The following SPIN1 variants were observed in gnomAD, a reference collection of about 807,000 sequenced individuals.
SPIN1 encodes spindlin 1, also known as spindlin-1.
In SPIN1, 3 loss-of-function variants were observed where a neutral mutation model predicts 26.0. The observed-to-expected ratio is 0.12, with a 90% CI of 0.05 to 0.30. The LOEUF (loss-of-function observed/expected upper bound fraction) is 0.30. SPIN1 is among the 10% of genes least tolerant of loss of function. The pLI is 1.00. For missense variants in SPIN1, 126 were observed against 333.4 expected (o/e 0.38, Z 4.84); for synonymous variants, 101 against 116.5 (o/e 0.87, Z 0.86).
intron 1 of SPIN1, among the ~76,000 whole-genome samples, chr9:88,424,218 A>C (rs530422835): frequency 3.3e-5 from 5 of 152,314 alleles, no homozygotes; most frequent in African/African-American, 1.2e-4. Context: ...CTGATCAGTT[A>C]GTCAATTTGG....
intron 2 of SPIN1, among the ~76,000 whole-genome samples, chr9:88,435,533 T>C (rs978401298): frequency 6.6e-6 from 1 of 152,220 alleles, no homozygotes; most frequent in Non-Finnish European, 1.5e-5. Flanking sequence ...CAGTGACATA[T>C]GTTGTCAAAT....
chr9:88,426,993 C>T (rs2118025508), intron 2 of SPIN1, among the ~76,000 whole-genome samples: 1 of 152,198 alleles, frequency 6.6e-6, no homozygotes, highest in African/African-American at 2.4e-5. Context: ...AAGAAGTTTA[C>T]TGGTGTGGAA....
At chr9:88,460,761 C>T (rs990715779) in intron 3 of SPIN1, among the ~76,000 whole-genome samples, 1 of 152,186 alleles carries the variant, frequency 6.6e-6, no homozygotes, top group Non-Finnish European at 1.5e-5. Flanking sequence ...GGATTATGGC[C>T]ACCCACATTG....
At chr9:88,448,867 A>G (rs1237153999) in intron 2 of SPIN1, 74 bp from the exon 3 acceptor site, 3 of 1,429,354 alleles carry the variant, frequency 2.1e-6, no homozygotes, top group African/African-American at 2.8e-5. Flanking sequence ...AGTTTTTCAG[A>G]AGTTAAGATT....
chr9:88,417,142 C>T (rs1339044904), intron 1 of SPIN1, among the ~76,000 whole-genome samples: 2 of 152,016 alleles, frequency 1.3e-5, no homozygotes, highest in Non-Finnish European at 2.9e-5. Context: ...GCTAATTAGC[C>T]CTTCATATCT....
rs143857608 is a variant in SPIN1 at position 88,473,442 on chromosome 9, C to G, written c.590-1636C>G. On this transcript the variant is annotated intron_variant, in intron 5 of 5. Coordinates refer to ENST00000375859, the MANE Select transcript of SPIN1 (RefSeq NM_006717.3). ...CATTTGTTATAAAGGGGTAATGCAA[C>G]TTACATACTCAGGAATTTGTCATGA... 4.7e-3 allele frequency among the ~76,000 whole-genome samples: 708 copies of G among 152,184 alleles called. 4 individuals carry two copies. Among genetic ancestry groups the G allele is most frequent in the African/African-American group, 0.016 (663 of 41,516 alleles).
At chr9:88,426,840 A>G (rs1461686111) in intron 2 of SPIN1, among the ~76,000 whole-genome samples, 4 of 152,200 alleles carry the variant, frequency 2.6e-5, no homozygotes, top group Non-Finnish European at 4.4e-5. Context: ...AATTGTAAAT[A>G]TCTGTTAATA....
At chr9:88,402,239 T>C (rs1587773542) in intron 1 of SPIN1, among the ~76,000 whole-genome samples, 1 of 152,172 alleles carries the variant, frequency 6.6e-6, no homozygotes. Context: ...GTGATCCGCC[T>C]GCCTCAGCCT....
At chr9:88,406,038 T>TGTGTGTGTAC (rs1554691972) in intron 1 of SPIN1, among the ~76,000 whole-genome samples, 3 of 148,300 alleles carry the variant, frequency 2.0e-5, no homozygotes, top group Non-Finnish European at 3.0e-5. Flanking sequence ...TGTGTGTGTG[T>TGTGTGTGTAC]GTGTACGTGT....
At chr9:88,419,240 A>AT (rs1827628385) in intron 1 of SPIN1, among the ~76,000 whole-genome samples, 1 of 151,952 alleles carries the variant, frequency 6.6e-6, no homozygotes, top group Non-Finnish European at 1.5e-5. Flanking sequence ...ACCCTGACTC[A>AT]TTCTCCACCC....
intron 2 of SPIN1, among the ~76,000 whole-genome samples, chr9:88,429,082 G>T (rs529365875): frequency 6.6e-6 from 1 of 152,216 alleles, no homozygotes; most frequent in South Asian, 2.1e-4. Context: ...GCCCAGGCTG[G>T]TCTTCAACTC....
At chr9:88,413,077 T>G (rs1471028741) in intron 1 of SPIN1, among the ~76,000 whole-genome samples, 3 of 150,880 alleles carry the variant, frequency 2.0e-5, no homozygotes, top group Non-Finnish European at 4.4e-5. Flanking sequence ...TTTTTTTTTT[T>G]TTTTTTTGAG....
chr9:88,473,038 G>T (rs1033239716), intron 5 of SPIN1, among the ~76,000 whole-genome samples: 2 of 152,076 alleles, frequency 1.3e-5, no homozygotes, highest in African/African-American at 4.8e-5. Flanking sequence ...CTATGAATAA[G>T]TTAGTTAACA....
At chr9:88,437,069 CTG>C (rs537089225) in intron 2 of SPIN1, among the ~76,000 whole-genome samples, 139 of 152,204 alleles carry the variant, frequency 9.1e-4, no homozygotes, top group Non-Finnish European at 1.1e-3. Context: ...CCGGCCTCCT[CTG>C]TGTCTTTTTA....
intron 1 of SPIN1, among the ~76,000 whole-genome samples, chr9:88,408,535 C>T (rs541744746): frequency 4.0e-5 from 6 of 151,692 alleles, no homozygotes; most frequent in African/African-American, 1.4e-4. Context: ...CGCCACCAGG[C>T]CTCATTCATT....
chr9:88,398,825 T>C (rs568423278), intron 1 of SPIN1, among the ~76,000 whole-genome samples: 1 of 151,984 alleles, frequency 6.6e-6, no homozygotes, highest in Non-Finnish European at 1.5e-5. Flanking sequence ...CCGCCTGCCT[T>C]GGCCTCCCTG....
At position 88,434,892 on chromosome 9, in the gene SPIN1, A is replaced by G. The variant is rs531690790; in HGVS notation, c.52+8301A>G. Among the ~76,000 whole-genome samples the G allele has an allele frequency of 1.3e-3, 192 of 152,162 alleles. 5 individuals carry two copies. The South Asian group carries it at 0.036, about 29-fold the overall frequency. On this transcript the variant is annotated intron_variant, in intron 2 of 5. Coordinates refer to ENST00000375859, the MANE Select transcript of SPIN1 (RefSeq NM_006717.3). ...CATAGCGAAACCTCACATCTACTGA[A>G]AATGCAAAAATTAGCTGGGCATGGT...
At chr9:88,400,572 G>A (rs1396332876) in intron 1 of SPIN1, among the ~76,000 whole-genome samples, 4 of 152,124 alleles carry the variant, frequency 2.6e-5, no homozygotes, top group Non-Finnish European at 4.4e-5. Flanking sequence ...TTGGCCTGGC[G>A]TGATGGCTAA....
chr9:88,414,359 T>G (rs1051909210), intron 1 of SPIN1, among the ~76,000 whole-genome samples: 2 of 152,180 alleles, frequency 1.3e-5, no homozygotes, highest in African/African-American at 4.8e-5. Context: ...CATCCTGAGA[T>G]CTTGTTAACA....
Sources: allele counts gnomAD v4.1 joint callset (sites outside exome capture counted in the v4.1 genomes callset), GRCh38; gene constraint gnomAD v4.1.1; transcripts MANE v1.5; gene names NCBI Gene and HGNC (gene_info 2026-07-23, HGNC 2026-07-21).